ANO4: variants seen among roughly 807,000 people sequenced by gnomAD.
The protein encoded by ANO4 is anoctamin 4.
A neutral mutation model predicts 141.9 loss-of-function variants in ANO4; 69 were observed. The ratio of observed to expected loss-of-function variants is 0.49; its 90% confidence interval spans 0.40 to 0.59. ANO4 has a LOEUF of 0.59. Ranked by LOEUF, ANO4 falls within the 20% of genes least tolerant of loss-of-function variation. The pLI is 0.00. For synonymous variants in ANO4, 350 were observed against 394.3 expected (o/e 0.89, Z 1.33); for missense variants, 894 against 1,162.2 (o/e 0.77, Z 3.36).
chr12:100,921,178 C>A (rs2041615924), intron 2 of ANO4, among the ~76,000 whole-genome samples: 1 of 152,084 alleles, frequency 6.6e-6, no homozygotes, highest in Non-Finnish European at 1.5e-5. Flanking sequence ...GTTCTAAGTG[C>A]TTGGGTTATA....
intron 1 of ANO4, among the ~76,000 whole-genome samples, chr12:100,886,825 A>T (rs1322904746): frequency 6.6e-6 from 1 of 152,108 alleles, no homozygotes; most frequent in Non-Finnish European, 1.5e-5. Context: ...TTACAGAAAA[A>T]AACATGCTGA....
intron 8 of ANO4, among the ~76,000 whole-genome samples, chr12:101,019,594 C>T (rs1055983096): frequency 1.2e-4 from 19 of 152,290 alleles, no homozygotes; most frequent in Non-Finnish European, 2.8e-4. Flanking sequence ...CATTACCTAA[C>T]TCCTATATCC....
At chr12:100,774,485 A>C (rs189772548) in intron 3 of ANO4, among the ~76,000 whole-genome samples, 120 of 152,322 alleles carry the variant, frequency 7.9e-4, no homozygotes, top group Non-Finnish European at 1.4e-3. Context: ...AGAAGGCAAC[A>C]CCTGAAACAG....
In ANO4 at chr12:100,720,808, A is replaced by G. The variant is rs142206421; in HGVS notation, c.22+3261A>G. On this transcript the variant is annotated intron_variant, in intron 1 of 29. Coordinates refer to the ANO4 transcript ENST00000644049. ...TGGGGTGTGCCTGGGCATGAAGATA[A>G]TAATAATGGCACTTTATGTGAATTA... 2.6e-3 allele frequency among the ~76,000 whole-genome samples: 400 copies of G among 152,332 alleles called. 1 individual carries two copies. Among genetic ancestry groups the G allele is most frequent in the African/African-American group, 9.1e-3 (379 of 41,580 alleles).
intron 3 of ANO4, among the ~76,000 whole-genome samples, chr12:100,757,054 A>C (rs2032643707): frequency 6.6e-6 from 1 of 152,098 alleles, no homozygotes; most frequent in African/African-American, 2.4e-5. Flanking sequence ...CTTCTGGAAA[A>C]TGTGGAACTG....
intron 1 of ANO4, among the ~76,000 whole-genome samples, chr12:100,845,050 A>G (rs1407714979): frequency 1.3e-5 from 2 of 152,288 alleles, no homozygotes; most frequent in African/African-American, 4.8e-5. Context: ...GTTGTCCACC[A>G]TGTGAAGTTC....
chr12:100,993,452 C>G (rs920383660), intron 8 of ANO4, among the ~76,000 whole-genome samples: 1 of 152,076 alleles, frequency 6.6e-6, no homozygotes, highest in African/African-American at 2.4e-5. Context: ...AAGTGAGGAA[C>G]AAAATGGTCA....
At chr12:101,080,865 G>GATATATATATATTAT (rs1555296491) in intron 15 of ANO4, among the ~76,000 whole-genome samples, 15 of 109,384 alleles carry the variant, frequency 1.4e-4, no homozygotes, top group African/African-American at 4.3e-4. Flanking sequence ...CTAGGTTCTA[G>GATATATATATATTAT]ATATATATAT....
intron 8 of ANO4, among the ~76,000 whole-genome samples, chr12:101,011,356 G>C (rs558789560): frequency 9.6e-4 from 130 of 135,730 alleles, no homozygotes; most frequent in African/African-American, 3.5e-3. Flanking sequence ...ACAGACTGCT[G>C]TCTGGCTGAA....
chr12:100,771,823 G>A (rs2033313999), intron 3 of ANO4, among the ~76,000 whole-genome samples: 1 of 152,246 alleles, frequency 6.6e-6, no homozygotes, highest in Admixed American at 6.5e-5. Flanking sequence ...ATACGTGAGT[G>A]TGGTCAGGCA....
intron 9 of ANO4, among the ~76,000 whole-genome samples, chr12:101,035,994 C>T (rs2136586918): frequency 6.8e-6 from 1 of 147,544 alleles, no homozygotes; most frequent in African/African-American, 2.4e-5. Flanking sequence ...CTCCCTGAAC[C>T]TAAAATAAAA....
intron 1 of ANO4, among the ~76,000 whole-genome samples, chr12:100,868,303 G>T (rs1424622593): frequency 6.6e-6 from 1 of 152,102 alleles, no homozygotes; most frequent in Non-Finnish European, 1.5e-5. Context: ...AGTGGAACTT[G>T]GTGAGAGGCT....
chr12:100,766,658 T>C (rs1486405388), intron 3 of ANO4, among the ~76,000 whole-genome samples: 1 of 152,190 alleles, frequency 6.6e-6, no homozygotes, highest in Admixed American at 6.5e-5. Flanking sequence ...TATGGCCTAA[T>C]ATGTGATCTA....
intron 2 of ANO4, chr12:100,739,734 G>A (rs1410921936): frequency 1.6e-6 from 1 of 639,846 alleles, no homozygotes; most frequent in Admixed American, 2.2e-5. Context: ...TTATGAACAT[G>A]CATTCTTAGC....
At chr12:100,721,897 T>C (rs1384014056) in intron 1 of ANO4, among the ~76,000 whole-genome samples, 1 of 151,680 alleles carries the variant, frequency 6.6e-6, no homozygotes, top group Non-Finnish European at 1.5e-5. Context: ...CTTGATATGT[T>C]TCCTAGGCTG....
intron 1 of ANO4, among the ~76,000 whole-genome samples, chr12:100,887,960 G>A (rs1383347399): frequency 6.6e-6 from 1 of 152,150 alleles, no homozygotes; most frequent in Non-Finnish European, 1.5e-5. Context: ...TTTGTGAGGT[G>A]ACCGGAAATA....
chr12:101,004,150 G>A (rs1447436133), intron 8 of ANO4, among the ~76,000 whole-genome samples: 1 of 7,498 alleles, frequency 1.3e-4, no homozygotes, highest in Non-Finnish European at 2.3e-4. Context: ...AGGATACTGT[G>A]GGGGAAGTGA....
At chr12:101,031,137 GA>G (rs1466555167) in intron 9 of ANO4, among the ~76,000 whole-genome samples, 2 of 152,166 alleles carry the variant, frequency 1.3e-5, no homozygotes, top group Admixed American at 6.5e-5. Flanking sequence ...ACAAAAAATA[GA>G]GAATTTCAGG....
At chr12:100,728,138 A>G (rs2031218287) in intron 1 of ANO4, among the ~76,000 whole-genome samples, 1 of 152,152 alleles carries the variant, frequency 6.6e-6, no homozygotes, top group East Asian at 1.9e-4. Flanking sequence ...CAAGAATTCC[A>G]CATTCAGTGG....
Sources: gnomAD v4.1 joint callset for allele counts (sites outside exome capture counted in the v4.1 genomes callset) on GRCh38, gnomAD v4.1.1 for gene constraint, MANE v1.5 for transcripts, NCBI Gene and HGNC (gene_info 2026-07-23, HGNC 2026-07-21) for gene names.